The following PTPRD variants were observed in gnomAD, a reference collection of about 807,000 sequenced individuals.
PTPRD encodes protein tyrosine phosphatase receptor type D, also known as receptor-type tyrosine-protein phosphatase delta.
A neutral mutation model predicts 214.5 loss-of-function variants in PTPRD; 34 were observed. That is an observed-to-expected ratio of 0.16 (90% CI 0.12 to 0.21). PTPRD has a LOEUF of 0.21. Ranked by LOEUF, PTPRD falls within the 10% of genes least tolerant of loss-of-function variation. PTPRD has a pLI of 1.00. For synonymous variants in PTPRD, 1,128 were observed against 845.7 expected, an observed-to-expected ratio of 1.33 and a Z score of -5.79; for missense variants, 2,545 against 2,398.7, an observed-to-expected ratio of 1.06 and a Z score of -1.27.
chr9:10,470,198 A>G (rs553048777), intron 2 of PTPRD, among the ~76,000 whole-genome samples: 3 of 152,162 alleles, frequency 2.0e-5, no homozygotes, highest in Non-Finnish European at 4.4e-5. Flanking sequence ...ATTAAACATT[A>G]TATGTTTGTA....
intron 5 of PTPRD, among the ~76,000 whole-genome samples, chr9:9,840,692 G>A (rs781521392): frequency 7.3e-6 from 1 of 136,534 alleles, no homozygotes; most frequent in South Asian, 2.4e-4. Flanking sequence ...GAACACGGGA[G>A]GCAGAGCTTG....
chr9:9,240,994 T>C (rs2099970102), intron 9 of PTPRD, among the ~76,000 whole-genome samples: 1 of 152,146 alleles, frequency 6.6e-6, no homozygotes, highest in African/African-American at 2.4e-5. Flanking sequence ...AATGTACAGG[T>C]TTCTGATAAC....
intron 8 of PTPRD, among the ~76,000 whole-genome samples, chr9:9,501,128 C>A (rs1190197914): frequency 6.6e-6 from 1 of 151,654 alleles, no homozygotes; most frequent in Non-Finnish European, 1.5e-5. Flanking sequence ...CAATAAAAAG[C>A]AAGGTAAAAA....
At chr9:8,417,460 T>A (rs913558039) in intron 35 of PTPRD, among the ~76,000 whole-genome samples, 2 of 152,134 alleles carry the variant, frequency 1.3e-5, no homozygotes, top group African/African-American at 4.8e-5. Context: ...CAATAACTCA[T>A]GAAAAACAAG....
chr9:8,639,705 G>C (rs2096531823), intron 12 of PTPRD, among the ~76,000 whole-genome samples: 1 of 152,116 alleles, frequency 6.6e-6, no homozygotes, highest in African/African-American at 2.4e-5. Flanking sequence ...TGGATGCTTG[G>C]GTAAGTGCTT....
chr9:8,794,947 G>A (rs1022300836), intron 11 of PTPRD, among the ~76,000 whole-genome samples: 3 of 151,032 alleles, frequency 2.0e-5, no homozygotes, highest in African/African-American at 7.3e-5. Context: ...CAATTTTTTT[G>A]TACTGCTGAT....
intron 3 of PTPRD, among the ~76,000 whole-genome samples, chr9:10,315,876 G>A (rs866800962): frequency 6.6e-6 from 1 of 151,786 alleles, no homozygotes; most frequent in South Asian, 2.1e-4. Context: ...TATATTTTAA[G>A]AAATGAGTCT....
At chr9:10,341,675 A>G (rs2096941894) in intron 2 of PTPRD, among the ~76,000 whole-genome samples, 1 of 151,988 alleles carries the variant, frequency 6.6e-6, no homozygotes, top group Non-Finnish European at 1.5e-5. Flanking sequence ...TAACATTGTA[A>G]CATTATAGTT....
chr9:10,165,970 T>A (rs2099156502), intron 3 of PTPRD, among the ~76,000 whole-genome samples: 1 of 150,362 alleles, frequency 6.7e-6, no homozygotes, highest in Non-Finnish European at 1.5e-5. Context: ...ATGTATTATG[T>A]AAACATATAA....
chr9:9,205,585 A>G (rs1009507558), intron 9 of PTPRD, among the ~76,000 whole-genome samples: 1 of 152,224 alleles, frequency 6.6e-6, no homozygotes, highest in African/African-American at 2.4e-5. Context: ...TGCATTATCT[A>G]AAATGACATT....
intron 3 of PTPRD, among the ~76,000 whole-genome samples, chr9:10,294,263 T>C (rs573326084): frequency 1.3e-5 from 2 of 152,012 alleles, no homozygotes; most frequent in East Asian, 3.9e-4. Flanking sequence ...TAATGTTCAG[T>C]GGTTCTGAGT....
chr9:9,671,393 T>G (rs1450677955), intron 7 of PTPRD, among the ~76,000 whole-genome samples: 1 of 152,176 alleles, frequency 6.6e-6, no homozygotes, highest in Non-Finnish European at 1.5e-5. Context: ...GGATTTGTCT[T>G]GTCTCAAATG....
At chr9:10,244,810 C>T (rs983941699) in intron 3 of PTPRD, among the ~76,000 whole-genome samples, 2 of 152,042 alleles carry the variant, frequency 1.3e-5, no homozygotes, top group African/African-American at 4.8e-5. Context: ...CCCTTCTTAT[C>T]AGGGCTCTAC....
At chr9:9,169,147 A>T (rs2099909685) in intron 10 of PTPRD, among the ~76,000 whole-genome samples, 1 of 152,032 alleles carries the variant, frequency 6.6e-6, no homozygotes, top group Non-Finnish European at 1.5e-5. Context: ...TTTGCTTAAT[A>T]AATCTTATAG....
At chr9:9,291,447 C>T (rs556977066) in intron 9 of PTPRD, among the ~76,000 whole-genome samples, 1 of 151,506 alleles carries the variant, frequency 6.6e-6, no homozygotes, top group Admixed American at 6.6e-5. Context: ...ATAATTACTG[C>T]AAAACATCTT....
chr9:9,830,412 G>A (rs886920253), intron 5 of PTPRD, among the ~76,000 whole-genome samples: 8 of 151,802 alleles, frequency 5.3e-5, no homozygotes, highest in African/African-American at 1.9e-4. Context: ...GGGGTGAAGG[G>A]AAGCAGCTTA....
At chr9:9,594,573 G>C (rs1381658645) in intron 7 of PTPRD, among the ~76,000 whole-genome samples, 3 of 152,148 alleles carry the variant, frequency 2.0e-5, no homozygotes, top group Middle Eastern at 6.8e-3. Context: ...TCAAAGATCA[G>C]TTGGCTGTAA....
chr9:10,520,849 T>C (rs2134178820), intron 2 of PTPRD, among the ~76,000 whole-genome samples: 1 of 151,972 alleles, frequency 6.6e-6, no homozygotes, highest in South Asian at 2.1e-4. Flanking sequence ...AAATAGAATA[T>C]TTTTAAACCC....
chr9:8,532,210 G>A (rs898709180), intron 14 of PTPRD, among the ~76,000 whole-genome samples: 26 of 152,162 alleles, frequency 1.7e-4, no homozygotes, highest in African/African-American at 6.3e-4. Context: ...GTTGACAGTT[G>A]TGGCTTGTTT....
Sources: gnomAD v4.1 joint callset for allele counts (sites outside exome capture counted in the v4.1 genomes callset) on GRCh38, gnomAD v4.1.1 for gene constraint, MANE v1.5 for transcripts, NCBI Gene and HGNC (gene_info 2026-07-23, HGNC 2026-07-21) for gene names.